Variants in OSBPL9 observed in about 807,000 individuals in gnomAD.
OSBPL9 encodes the protein oxysterol binding protein like 9.
A neutral mutation model predicts 106.6 loss-of-function variants in OSBPL9; 40 were observed. That is an observed-to-expected ratio of 0.38 (90% CI 0.29 to 0.49). The LOEUF (loss-of-function observed/expected upper bound fraction) is 0.49. Among genes scored for constraint, OSBPL9 ranks in the 20% least tolerant of loss-of-function variants. OSBPL9 has a pLI of 0.97. For synonymous variants in OSBPL9, 269 were observed against 295.4 expected, an observed-to-expected ratio of 0.91 and a Z score of 0.92; for missense variants, 609 against 887.2, an observed-to-expected ratio of 0.69 and a Z score of 3.98.
chr1:51,744,373 A>G (rs1170310409), intron 4 of OSBPL9, among the ~76,000 whole-genome samples: 1 of 152,222 alleles, frequency 6.6e-6, no homozygotes, highest in Non-Finnish European at 1.5e-5. Context: ...TAGTGAATGC[A>G]CTAGAATTAG....
chr1:51,731,911 TGAC>T (rs1664547162), intron 4 of OSBPL9, among the ~76,000 whole-genome samples: 1 of 152,176 alleles, frequency 6.6e-6, no homozygotes, highest in Non-Finnish European at 1.5e-5. Context: ...TTGACAGAGA[TGAC>T]GATGAATTTG....
intron 2 of OSBPL9, among the ~76,000 whole-genome samples, chr1:51,659,653 C>T (rs7414343): frequency 9.7e-4 from 147 of 150,846 alleles, no homozygotes; most frequent in African/African-American, 3.3e-3. Context: ...AGGAAAAAAA[C>T]GAAGGCACAA....
At chr1:51,765,055 T>C (rs1462932346) in intron 11 of OSBPL9, among the ~76,000 whole-genome samples, 4 of 152,242 alleles carry the variant, frequency 2.6e-5, no homozygotes. Context: ...ATCTTAATAC[T>C]CCATTTGTCG....
At chr1:51,763,504 T>C (rs142273459) in intron 11 of OSBPL9, among the ~76,000 whole-genome samples, 2 of 152,340 alleles carry the variant, frequency 1.3e-5, no homozygotes, top group African/African-American at 4.8e-5. Context: ...AAACCACTCT[T>C]GAAGAAGTGG....
chr1:51,669,508 C>T lies in OSBPL9; in HGVS notation c.237C>T (p.Phe79=). 6 of 1,613,804 alleles carry T rather than the reference C, an allele frequency of 3.7e-6. No homozygotes were observed. The highest frequency in any genetic ancestry group is 5.1e-6 in the Non-Finnish European group (6 of 1,179,744). ...CTGTTGATCAGAAAACCTTCCATTT[C>T]CAGGGTGAGCTGAAAGAAGAGATTC... ...TITVDQKTFH[F]QARDADEREK... Residue 79 remains phenylalanine (F), a synonymous_variant, in exon 3 of 24, where the codon TTC becomes TTT. Coordinates refer to ENST00000428468, the MANE Select transcript of OSBPL9 (RefSeq NM_024586.6).
intron 4 of OSBPL9, among the ~76,000 whole-genome samples, chr1:51,724,429 G>A (rs906052860): frequency 4.6e-5 from 7 of 151,798 alleles, no homozygotes; most frequent in Non-Finnish European, 8.8e-5. Context: ...GATTACAGGC[G>A]CCCACCACCA....
intron 4 of OSBPL9, among the ~76,000 whole-genome samples, chr1:51,727,625 G>T (rs1663365088): frequency 6.6e-6 from 1 of 152,212 alleles, no homozygotes; most frequent in Non-Finnish European, 1.5e-5. Flanking sequence ...GTGGTTACAT[G>T]TGTGCATATG....
At chr1:51,654,503 A>G (rs1452367065) in intron 2 of OSBPL9, among the ~76,000 whole-genome samples, 1 of 152,200 alleles carries the variant, frequency 6.6e-6, no homozygotes, top group Non-Finnish European at 1.5e-5. Flanking sequence ...ATATGTGTTT[A>G]TATGTATATT....
chr1:51,642,816 G>T lies in OSBPL9; in HGVS notation c.112-9175G>T, dbSNP rs796269740. Among the ~76,000 whole-genome samples, 18 of 152,292 alleles carry T rather than the reference G, an allele frequency of 1.2e-4. 1 individual carries two copies. Among genetic ancestry groups the T allele is most frequent in the African/African-American group, 4.1e-4 (17 of 41,576 alleles). ...AAACTTCTCTGGGAAATGAGAGAGG[G>T]TTTTATTATCCTTCCAGACCAGTTG... On this transcript the variant is annotated intron_variant, in intron 1 of 23. Transcript: ENST00000428468.
At chr1:51,678,627 C>G (rs1231071898) in intron 3 of OSBPL9, among the ~76,000 whole-genome samples, 1 of 152,148 alleles carries the variant, frequency 6.6e-6, no homozygotes, top group Non-Finnish European at 1.5e-5. Context: ...TGCCACTGCA[C>G]TCCAGCCTGG....
At chr1:51,535,500 A>G in the OSBPL9 span, among the ~76,000 whole-genome samples, 1 of 152,106 alleles carries the variant, frequency 6.6e-6, no homozygotes, top group Non-Finnish European at 1.5e-5. Flanking sequence ...TTTTCTAAAG[A>G]GTTATCTCCA....
chr1:51,548,544 G>T, the OSBPL9 span, among the ~76,000 whole-genome samples: 2 of 150,812 alleles, frequency 1.3e-5, no homozygotes, highest in Non-Finnish European at 2.9e-5. Flanking sequence ...CATGCTCCAC[G>T]ATGCCCAGCT....
intron 1 of OSBPL9, among the ~76,000 whole-genome samples, chr1:51,578,429 C>T (rs1645199179): frequency 6.6e-6 from 1 of 152,174 alleles, no homozygotes; most frequent in Non-Finnish European, 1.5e-5. Context: ...AGAATAATAT[C>T]ATATGATTAA....
chr1:51,531,459 T>C, the OSBPL9 span, among the ~76,000 whole-genome samples: 1 of 152,118 alleles, frequency 6.6e-6, no homozygotes. Flanking sequence ...CTGTACATAT[T>C]GAAGGTAGAG....
intron 3 of OSBPL9, among the ~76,000 whole-genome samples, chr1:51,673,483 G>A (rs1316424282): frequency 6.6e-6 from 1 of 152,330 alleles, no homozygotes; most frequent in East Asian, 1.9e-4. Flanking sequence ...TCAGTAAACA[G>A]GGAAGAATTG....
chr1:51,584,441 G>A (rs1420106715), intron 1 of OSBPL9, among the ~76,000 whole-genome samples: 7 of 151,360 alleles, frequency 4.6e-5, no homozygotes, highest in Admixed American at 4.6e-4. Flanking sequence ...CAGGTGCGGT[G>A]GCTCATGCTG....
intron 4 of OSBPL9, among the ~76,000 whole-genome samples, chr1:51,734,522 G>A (rs981884453): frequency 1.3e-5 from 2 of 152,114 alleles, no homozygotes; most frequent in Non-Finnish European, 2.9e-5. Flanking sequence ...GTGAATACAC[G>A]GGCCCCAGGT....
chr1:51,711,580 G>T (rs1431190032), intron 3 of OSBPL9, among the ~76,000 whole-genome samples: 1 of 137,694 alleles, frequency 7.3e-6, no homozygotes, highest in Non-Finnish European at 1.6e-5. Flanking sequence ...CCCAGATGGG[G>T]TGGCTGCCGG....
At chr1:51,643,487 A>G (rs985629566) in intron 1 of OSBPL9, among the ~76,000 whole-genome samples, 1 of 152,108 alleles carries the variant, frequency 6.6e-6, no homozygotes, top group Non-Finnish European at 1.5e-5. Context: ...GTCCTTAGGC[A>G]AGAAAGTGAT....
Sources: gnomAD v4.1 joint callset for allele counts (sites outside exome capture counted in the v4.1 genomes callset) on GRCh38, gnomAD v4.1.1 for gene constraint, MANE v1.5 for transcripts, NCBI Gene and HGNC (gene_info 2026-07-23, HGNC 2026-07-21) for gene names.